Variants in BPI observed in about 807,000 individuals in gnomAD.
BPI encodes bactericidal permeability-increasing protein.
Under a neutral mutation model 57.6 loss-of-function variants are expected in BPI, and 48 were observed. That is an observed-to-expected ratio of 0.83 (90% CI 0.66 to 1.06). The LOEUF is 1.06. Among genes scored for constraint, BPI ranks in the 50% least tolerant of loss-of-function variants. The pLI, the probability that BPI is intolerant of heterozygous loss-of-function variation, is 0.00. For synonymous variants in BPI, 237 were observed against 238.2 expected, an observed-to-expected ratio of 0.99 and a Z score of 0.05; for missense variants, 651 against 609.7, an observed-to-expected ratio of 1.07 and a Z score of -0.71.
At chr20:38,305,655 C>A (rs975726072) in intron 1 of BPI, among the ~76,000 whole-genome samples, 3 of 152,134 alleles carry the variant, frequency 2.0e-5, no homozygotes, top group Non-Finnish European at 2.9e-5. Context: ...GGCTCTGGGA[C>A]CAGAAGGCCT....
At position 38,320,218 on chromosome 20, in the gene BPI, T is replaced by C; in HGVS notation, c.700T>C (p.Tyr234His). ...TKIDSVAGIN[Y>H]GLVAPPATTA... ...AATAGATTCTGTGGCTGGAATCAAC[T>C]ATGGTCTGGTGGCACCTCCAGCAAC... The change falls in exon 7 of 15, where the codon TAT becomes CAT. Residue 234 changes from tyrosine to histidine, a missense_variant. Coordinates refer to ENST00000642449, the MANE Select transcript of BPI (RefSeq NM_001725.3). 6.2e-7 allele frequency: 1 copy of C among 1,614,140 alleles called. No individual in the cohort carries two copies. Among genetic ancestry groups the C allele is most frequent in the Middle Eastern group, 1.7e-4 (1 of 6,052 alleles).
chr20:38,330,896 A>G, intron 11 of BPI, 152 bp from the exon 12 acceptor site: 1 of 829,668 alleles, frequency 1.2e-6, no homozygotes, highest in Non-Finnish European at 2.0e-6. Flanking sequence ...TCCAAAGGCA[A>G]CATCGGGGGG....
intron 5 of BPI, among the ~76,000 whole-genome samples, chr20:38,313,292 A>C (rs186857049): frequency 3.4e-5 from 5 of 149,044 alleles, no homozygotes; most frequent in South Asian, 2.2e-4. Context: ...CTGAGGCAGG[A>C]GAATCGCTTG....
At chr20:38,323,732 C>T in intron 7 of BPI, 138 bp from the exon 8 acceptor site, 2 of 941,946 alleles carry the variant, frequency 2.1e-6, no homozygotes, top group Non-Finnish European at 1.6e-6. Flanking sequence ...GCTTTTGATG[C>T]TACTGTTAGT....
At chr20:38,332,625 G>A (rs990717526) in intron 12 of BPI, among the ~76,000 whole-genome samples, 1 of 152,120 alleles carries the variant, frequency 6.6e-6, no homozygotes, top group Admixed American at 6.5e-5. Flanking sequence ...GATTGTCCAG[G>A]TGACTTCTAG....
intron 6 of BPI, among the ~76,000 whole-genome samples, chr20:38,318,865 G>C (rs1410512485): frequency 6.6e-6 from 1 of 152,160 alleles, no homozygotes; most frequent in Non-Finnish European, 1.5e-5. Context: ...AAGCTGCAAA[G>C]AACTGTGGCA....
chr20:38,333,097 C>G (rs1239166888), intron 12 of BPI, among the ~76,000 whole-genome samples: 3 of 152,140 alleles, frequency 2.0e-5, no homozygotes, highest in African/African-American at 7.2e-5. Context: ...CCCTTCAAAT[C>G]TGATAAAAAT....
intron 4 of BPI, among the ~76,000 whole-genome samples, chr20:38,311,019 T>C (rs2076619466): frequency 1.3e-5 from 2 of 152,320 alleles, no homozygotes; most frequent in Admixed American, 6.5e-5. Flanking sequence ...TCGTGCAACA[T>C]GGTCAGGAAA....
intron 11 of BPI, 22 bp from the exon 12 acceptor site, chr20:38,331,026 T>A (rs764859354): frequency 6.2e-7 from 1 of 1,613,466 alleles, no homozygotes; most frequent in Admixed American, 1.7e-5. Flanking sequence ...GTGGTCTCAG[T>A]CCCCTCCTCC....
intron 7 of BPI, among the ~76,000 whole-genome samples, chr20:38,322,791 G>T (rs756614535): frequency 6.6e-6 from 1 of 152,160 alleles, no homozygotes; most frequent in Non-Finnish European, 1.5e-5. Flanking sequence ...TGTATTTTTA[G>T]TAGAGATGGG....
intron 6 of BPI, 29 bp downstream of exon 6, chr20:38,318,505 A>G: frequency 6.2e-7 from 1 of 1,603,122 alleles, no homozygotes; most frequent in Non-Finnish European, 8.5e-7. Context: ...TCAAGGATAG[A>G]AAGGAACAGA....
intron 9 of BPI, among the ~76,000 whole-genome samples, chr20:38,325,727 G>T (rs73905600): frequency 3.9e-5 from 6 of 152,262 alleles, no homozygotes; most frequent in East Asian, 3.9e-4. Context: ...GCTCTGGTTG[G>T]GGGGAGAGGT....
chr20:38,304,565 T>C (rs1265036608), intron 1 of BPI, among the ~76,000 whole-genome samples: 1 of 152,182 alleles, frequency 6.6e-6, no homozygotes, highest in Admixed American at 6.5e-5. Context: ...GGAGCACTGG[T>C]CTAGAGGACT....
At chr20:38,326,116 C>T (rs2076711565) in intron 9 of BPI, 149 bp from the exon 10 acceptor site, 9 of 839,398 alleles carry the variant, frequency 1.1e-5, no homozygotes, top group South Asian at 1.9e-5. Context: ...GGCAGGGTGC[C>T]AGCTGGCAGA....
chr20:38,309,020 C>G lies in BPI; in HGVS notation c.336C>G (p.Ile112Met). The change falls in exon 3 of 15, where the codon ATC becomes ATG. Residue 112 changes from isoleucine (I) to methionine (M), a missense_variant. Ile to Met is a conservative substitution (Grantham distance 10). Transcript: ENST00000642449. ...AGTTCTCCATCAGCAACGCCAATATCAAGATCAGCGGGAAATGGAAGGCAC... is the reference window on the plus strand; with the variant it reads ...AGTTCTCCATCAGCAACGCCAATATGAAGATCAGCGGGAAATGGAAGGCAC... ...GLKFSISNAN[I>M]KISGKWKAQK... 6.2e-7 allele frequency: 1 copy of G among 1,614,222 alleles called. No homozygotes were observed. The highest frequency in any genetic ancestry group is 1.3e-5 in the African/African-American group (1 of 75,052).
intron 12 of BPI, among the ~76,000 whole-genome samples, chr20:38,332,670 C>T (rs1480710061): frequency 6.6e-6 from 1 of 151,952 alleles, no homozygotes; most frequent in East Asian, 1.9e-4. Flanking sequence ...AATGGCAGAG[C>T]TACGTACTGA....
At chr20:38,331,304 C>T (rs143272577) in intron 12 of BPI, among the ~76,000 whole-genome samples, 62 of 152,344 alleles carry the variant, frequency 4.1e-4, no homozygotes, top group African/African-American at 1.3e-3. Flanking sequence ...GGGCAAGTCA[C>T]TTCCCTTTTC....
At chr20:38,309,705 G>A (rs2076613096) in intron 3 of BPI, among the ~76,000 whole-genome samples, 1 of 152,180 alleles carries the variant, frequency 6.6e-6, no homozygotes, top group Non-Finnish European at 1.5e-5. Context: ...TGCAGGGCAG[G>A]GTGAAAAATA....
intron 11 of BPI, among the ~76,000 whole-genome samples, chr20:38,328,814 T>C (rs1372052494): frequency 6.7e-6 from 1 of 149,870 alleles, no homozygotes; most frequent in Admixed American, 6.6e-5. Flanking sequence ...TGGGGCAACA[T>C]AGTGAGACCT....
Sources: allele counts gnomAD v4.1 joint callset (sites outside exome capture counted in the v4.1 genomes callset), GRCh38; gene constraint gnomAD v4.1.1; transcripts MANE v1.5; gene names NCBI Gene and HGNC (gene_info 2026-07-23, HGNC 2026-07-21).